NOS1: variants seen among roughly 807,000 people sequenced by gnomAD.
The protein encoded by NOS1 is NOS type I.
NOS1 carries 51 observed loss-of-function variants against 164.5 expected under a neutral mutation model. That is an observed-to-expected ratio of 0.31 (90% CI 0.25 to 0.39). The LOEUF (loss-of-function observed/expected upper bound fraction) is 0.39, where lower values mean the gene tolerates loss of function less well. NOS1 is among the 10% of genes least tolerant of loss of function. The probability of loss-of-function intolerance (pLI) is 1.00; values close to 1 mark genes in which losing one functional copy is unlikely to be tolerated. For missense variants in NOS1, 1,362 were observed against 1,885.6 expected (o/e 0.72, Z 5.14); for synonymous variants, 719 against 745.8 (o/e 0.96, Z 0.59).
chr12:117,280,408 C>G (rs957286958), intron 8 of NOS1, among the ~76,000 whole-genome samples: 2 of 152,130 alleles, frequency 1.3e-5, no homozygotes, highest in African/African-American at 4.8e-5. Flanking sequence ...GACTGTAGTT[C>G]TAGCTTTTCT....
intron 1 of NOS1, among the ~76,000 whole-genome samples, chr12:117,331,892 G>A (rs572262469): frequency 5.9e-5 from 9 of 152,104 alleles, no homozygotes; most frequent in Non-Finnish European, 1.3e-4. Context: ...TCCATAGCTC[G>A]GGGGCTCAGC....
chr12:117,274,016 G>A (rs1012936278), intron 9 of NOS1, among the ~76,000 whole-genome samples: 3 of 152,126 alleles, frequency 2.0e-5, no homozygotes, highest in African/African-American at 7.2e-5. Context: ...ACAAGCAACA[G>A]AGTGAAAAGA....
Position 117,272,939 on chromosome 12 carries a change from T to G in NOS1, c.1665-380A>C, listed in dbSNP as rs559449344. Among the ~76,000 whole-genome samples, 1 of 152,264 alleles carries G rather than the reference T, an allele frequency of 6.6e-6. No homozygotes were observed. Among genetic ancestry groups the G allele is most frequent in the African/African-American group, 2.4e-5 (1 of 41,554 alleles). On this transcript the variant is annotated intron_variant, in intron 9 of 28. Transcript: ENST00000317775. This position sits in a 1 kb window ranked among gnomAD's most constrained non-coding sequence, Gnocchi z 4.3. ...AGGCAGCCAAACTTCAGAGCCAAAC[T>G]CTGTCACCCAAACTTCTTCTTTCTT...
At chr12:117,289,310 A>T (rs1269645863) in intron 4 of NOS1, among the ~76,000 whole-genome samples, 4 of 152,226 alleles carry the variant, frequency 2.6e-5, no homozygotes, top group African/African-American at 7.2e-5. Flanking sequence ...TTCACAAATA[A>T]AAAGCATTTA....
intron 22 of NOS1, among the ~76,000 whole-genome samples, chr12:117,230,605 C>G (rs1168183992): frequency 6.6e-6 from 1 of 152,186 alleles, no homozygotes; most frequent in Non-Finnish European, 1.5e-5. Flanking sequence ...TGGGAAGGAG[C>G]CCCCATTGGG....
intron 1 of NOS1, among the ~76,000 whole-genome samples, chr12:117,341,435 C>T (rs1338396151): frequency 6.6e-6 from 1 of 152,082 alleles, no homozygotes; most frequent in Non-Finnish European, 1.5e-5. Context: ...GCTGTCATCC[C>T]GATGTTAGAA....
At chr12:117,294,345 A>G (rs968482787) in intron 3 of NOS1, among the ~76,000 whole-genome samples, 1 of 151,916 alleles carries the variant, frequency 6.6e-6, no homozygotes, top group Non-Finnish European at 1.5e-5. Context: ...AGGGAGGGGG[A>G]GGAGCGAGAT....
intron 9 of NOS1, among the ~76,000 whole-genome samples, chr12:117,275,136 G>A (rs186690144): frequency 1.5e-4 from 23 of 151,468 alleles, no homozygotes; most frequent in African/African-American, 3.1e-4. Flanking sequence ...CTTATGTACC[G>A]CATAAATATA....
chr12:117,352,560 A>T (rs1051736493), intron 1 of NOS1, among the ~76,000 whole-genome samples: 2 of 152,194 alleles, frequency 1.3e-5, no homozygotes, highest in African/African-American at 4.8e-5. Flanking sequence ...TTGGGATGCT[A>T]AACAGCCGTA....
chr12:117,262,129 G>A (rs1871954842), intron 13 of NOS1, among the ~76,000 whole-genome samples: 1 of 152,174 alleles, frequency 6.6e-6, no homozygotes, highest in African/African-American at 2.4e-5. Context: ...ACTTAGCTAA[G>A]GGGAAGAAAC....
chr12:117,333,476 G>C (rs1320533035), intron 1 of NOS1, among the ~76,000 whole-genome samples: 2 of 152,174 alleles, frequency 1.3e-5, no homozygotes, highest in East Asian at 1.9e-4. Flanking sequence ...GAGAGCAGAA[G>C]GTGGGTGCAG....
intron 3 of NOS1, among the ~76,000 whole-genome samples, chr12:117,295,473 GC>G (rs1458762226): frequency 6.6e-6 from 1 of 152,108 alleles, no homozygotes; most frequent in African/African-American, 2.4e-5. Flanking sequence ...AGGCCATGTG[GC>G]CCACAAAGCC....
rs3825106 is a variant in NOS1, at chr12:117,358,332, G to C, written c.-421+3180C>G. ...CAGCCTAACCCATCACAATACCCCC[G>C]CCCTCTCACTCTTCTCCGTGCGGTC... On this transcript the variant is annotated intron_variant, in intron 1 of 28. Coordinates refer to ENST00000317775, the MANE Select transcript of NOS1 (RefSeq NM_000620.5). 2.2e-3 allele frequency among the ~76,000 whole-genome samples: 251 copies of C among 112,182 alleles called. 2 individuals carry two copies. Among genetic ancestry groups the C allele is most frequent in the Admixed American group, 6.0e-3 (57 of 9,482 alleles). 73.6% of individuals were successfully genotyped at this position (112,182 alleles called of 152,430 possible). A position where few individuals can be genotyped will look rare whatever the true frequency, so the allele number is the denominator to read the frequency against.
intron 12 of NOS1, among the ~76,000 whole-genome samples, chr12:117,264,529 T>A (rs1036421626): frequency 6.8e-6 from 1 of 147,338 alleles, no homozygotes; most frequent in Non-Finnish European, 1.5e-5. Flanking sequence ...TTCCTTTCCT[T>A]CCTTCCTTCC....
intron 2 of NOS1, among the ~76,000 whole-genome samples, chr12:117,312,877 C>A (rs1409281147): frequency 6.6e-6 from 1 of 152,060 alleles, no homozygotes; most frequent in Non-Finnish European, 1.5e-5. Flanking sequence ...ATCATCATCA[C>A]CACCACCATC....
Position 117,331,142 on chromosome 12 carries a change from G to A in NOS1, c.-73C>T. ...CAGGCCAAGATGATTTCACCAGGAGGATCCAGGCTTCAGGCTACACGGAGA... is the reference window on the plus strand; with the variant it reads ...CAGGCCAAGATGATTTCACCAGGAGAATCCAGGCTTCAGGCTACACGGAGA... On this transcript the variant is annotated 5_prime_UTR_variant, in exon 2 of 29. Transcript: ENST00000317775. 1 of 1,533,770 alleles carries A rather than the reference G, an allele frequency of 6.5e-7. No individual in the cohort carries two copies. Among genetic ancestry groups the A allele is most frequent in the Non-Finnish European group, 8.8e-7 (1 of 1,134,844 alleles).
At position 117,209,354 on chromosome 12, in the gene NOS1, C is replaced by G; in HGVS notation, c.*5955G>C. 1 of 979,250 alleles carries G rather than the reference C, an allele frequency of 1.0e-6. No homozygotes were observed. The allele number at this position is 979,250 out of a possible 1,614,324, so 60.7% of individuals were successfully genotyped here. A position where few individuals can be genotyped will look rare whatever the true frequency, so the allele number is the denominator to read the frequency against. ...CTTCCTACAGTACCCAAGACGGCCCCCACAAGAAAGAATTACCCAGCCCCA... is the reference window on the plus strand; with the variant it reads ...CTTCCTACAGTACCCAAGACGGCCCGCACAAGAAAGAATTACCCAGCCCCA... On this transcript the variant is annotated 3_prime_UTR_variant, in exon 29 of 29. Transcript: ENST00000317775.
intron 27 of NOS1, among the ~76,000 whole-genome samples, chr12:117,218,980 GTTT>G (rs111927283): frequency 7.3e-6 from 1 of 136,776 alleles, no homozygotes; most frequent in Admixed American, 7.4e-5. Flanking sequence ...GGGGTTAGTT[GTTT>G]TTTTTTTTTT....
intron 20 of NOS1, among the ~76,000 whole-genome samples, chr12:117,235,425 CA>C (rs1325960319): frequency 1.3e-5 from 2 of 152,116 alleles, no homozygotes; most frequent in Non-Finnish European, 2.9e-5. Context: ...TCACTGGGAC[CA>C]CAGGCTGTGG....
Sources: allele counts gnomAD v4.1 joint callset (sites outside exome capture counted in the v4.1 genomes callset), GRCh38; gene constraint gnomAD v4.1.1; non-coding constraint Gnocchi (gnomAD v3.1); transcripts MANE v1.5; gene names NCBI Gene and HGNC (gene_info 2026-07-23, HGNC 2026-07-21).